Variants in RPTOR observed in about 807,000 individuals in gnomAD.
RPTOR encodes regulatory-associated protein of mTOR.
In RPTOR, 21 loss-of-function variants were observed where a neutral mutation model predicts 169.9. The observed-to-expected ratio is 0.12, with a 90% CI of 0.09 to 0.18. The LOEUF is 0.18. RPTOR is among the 10% of genes least tolerant of loss of function. The probability of loss-of-function intolerance (pLI) is 1.00; values close to 1 mark genes in which losing one functional copy is unlikely to be tolerated. For missense variants in RPTOR, 1,133 were observed against 1,855.9 expected, an observed-to-expected ratio of 0.61 and a Z score of 7.16; for synonymous variants, 732 against 753.2, an observed-to-expected ratio of 0.97 and a Z score of 0.46.
chr17:80,947,279 C>A lies in RPTOR; in HGVS notation c.3193C>A (p.Pro1065Thr). Residue 1065 changes from proline (P) to threonine (T), a missense_variant, in exon 27 of 34, where the codon CCT becomes ACT. By Grantham distance (38) the Pro-to-Thr change is conservative. Coordinates refer to ENST00000306801, the MANE Select transcript of RPTOR (RefSeq NM_020761.3). The surrounding 1 kb of genome is among the most constrained non-coding windows in gnomAD (Gnocchi z 4.4). ...GCTGGATTATTTCCACAATGGGAAC[C>A]CTCGGTACACGAGGGTCACTGCCAT... ...EKLDYFHNGN[P>T]RYTRVTAMEY... 6.2e-7 allele frequency: 1 copy of A among 1,605,714 alleles called. No individual in the cohort carries two copies. Among genetic ancestry groups the A allele is most frequent in the Non-Finnish European group, 8.5e-7 (1 of 1,176,670 alleles).
chr17:80,687,884 C>T (rs1376102203), intron 3 of RPTOR, among the ~76,000 whole-genome samples: 3 of 152,188 alleles, frequency 2.0e-5, no homozygotes, highest in Non-Finnish European at 4.4e-5. Flanking sequence ...AATTCACCCT[C>T]CATTGTCCAT....
At chr17:80,880,355 A>C in intron 13 of RPTOR, 60 bp from the exon 14 acceptor site, 6 of 1,392,356 alleles carry the variant, frequency 4.3e-6, no homozygotes, top group Non-Finnish European at 6.1e-6. Context: ...CACCATGAGA[A>C]GCTTGTGGCA....
At chr17:80,842,188 C>CT (rs2143699279) in intron 10 of RPTOR, among the ~76,000 whole-genome samples, 1 of 152,366 alleles carries the variant, frequency 6.6e-6, no homozygotes, top group South Asian at 2.1e-4. Flanking sequence ...GAGCCAGACT[C>CT]TGTCACATCA....
chr17:80,556,818 G>A (rs1234314427), intron 1 of RPTOR, among the ~76,000 whole-genome samples: 2 of 151,868 alleles, frequency 1.3e-5, no homozygotes, highest in Admixed American at 1.3e-4. Context: ...TGCTGGCCAG[G>A]CACGGTGGCT....
chr17:80,741,524 G>A (rs1037622186), intron 5 of RPTOR, among the ~76,000 whole-genome samples: 9 of 152,212 alleles, frequency 5.9e-5, no homozygotes, highest in African/African-American at 1.9e-4. Context: ...GCTGTCTCCC[G>A]AGCCAGGAGG....
At chr17:80,858,765 C>T (rs1186479100) in intron 13 of RPTOR, among the ~76,000 whole-genome samples, 1 of 152,100 alleles carries the variant, frequency 6.6e-6, no homozygotes, top group African/African-American at 2.4e-5. Flanking sequence ...GCTGGGAAGA[C>T]ATTTAGAGGA....
chr17:80,889,437 A>G (rs2068288589), intron 17 of RPTOR, among the ~76,000 whole-genome samples: 1 of 152,158 alleles, frequency 6.6e-6, no homozygotes, highest in South Asian at 2.1e-4. Context: ...TTGACAAGCG[A>G]CCGGTCAGAG....
intron 10 of RPTOR, among the ~76,000 whole-genome samples, chr17:80,840,528 ACTCACCGCACGGCAGCTCACT>A (rs1207703730): frequency 1.1e-4 from 6 of 55,686 alleles, no homozygotes; most frequent in Non-Finnish European, 1.7e-4. Flanking sequence ...GGCAGCTCAC[ACTCACCGCACGGCAGCTCACT>A]CTCACCGCAC....
chr17:80,738,069 A>T (rs970091340), intron 5 of RPTOR, among the ~76,000 whole-genome samples: 1 of 152,204 alleles, frequency 6.6e-6, no homozygotes, highest in East Asian at 1.9e-4. Context: ...TGACTTGCCA[A>T]CCAGAAAGGA....
In RPTOR at chr17:80,925,933, G is replaced by A. The variant is rs951339361; in HGVS notation, c.2919+453G>A. On this transcript the variant is annotated intron_variant, in intron 24 of 33. Coordinates refer to ENST00000306801, the MANE Select transcript of RPTOR (RefSeq NM_020761.3). ...CTAACAAGCGCCGTGTGCTGTGGAC[G>A]CAGTGGCTGTGTTCCTGCAGGCTGG... Among the ~76,000 whole-genome samples, 19 of 152,348 alleles carry A rather than the reference G, an allele frequency of 1.2e-4. No individual in the cohort carries two copies. The East Asian group carries it at 2.3e-3, about 19-fold the overall frequency.
At chr17:80,935,410 A>G (rs1330125738) in intron 24 of RPTOR, among the ~76,000 whole-genome samples, 1 of 152,218 alleles carries the variant, frequency 6.6e-6, no homozygotes, top group Admixed American at 6.5e-5. Context: ...ATTTTGAACT[A>G]GAAGAACAAA....
chr17:80,901,764 G>A (rs1368051330), intron 20 of RPTOR, among the ~76,000 whole-genome samples: 1 of 152,054 alleles, frequency 6.6e-6, no homozygotes, highest in Non-Finnish European at 1.5e-5. Context: ...TGCCCCAGAA[G>A]CCCTGCCCCA....
intron 4 of RPTOR, among the ~76,000 whole-genome samples, chr17:80,727,512 C>T (rs1001059175): frequency 6.7e-6 from 1 of 150,230 alleles, no homozygotes; most frequent in Non-Finnish European, 1.5e-5. Context: ...GCTCTGAGAA[C>T]GTGGACGCTG....
At chr17:80,951,904 C>G (rs1348992115) in intron 28 of RPTOR, among the ~76,000 whole-genome samples, 1 of 152,202 alleles carries the variant, frequency 6.6e-6, no homozygotes, top group East Asian at 1.9e-4. Flanking sequence ...TAAGGTCAAA[C>G]CAAGTCACCA....
At chr17:80,800,446 C>T (rs371292592) in intron 7 of RPTOR, among the ~76,000 whole-genome samples, 78 of 152,330 alleles carry the variant, frequency 5.1e-4, no homozygotes, top group South Asian at 3.3e-3. Flanking sequence ...CATCTCAGCA[C>T]AAGACTGGAG....
At chr17:80,641,255 C>T (rs1370205783) in intron 2 of RPTOR, among the ~76,000 whole-genome samples, 2 of 152,168 alleles carry the variant, frequency 1.3e-5, no homozygotes, top group African/African-American at 4.8e-5. Flanking sequence ...AACAAATTTA[C>T]CACAATTCTT....
intron 6 of RPTOR, among the ~76,000 whole-genome samples, chr17:80,780,777 C>G (rs983040052): frequency 1.4e-4 from 21 of 152,314 alleles, no homozygotes; most frequent in Middle Eastern, 6.8e-3. Context: ...CACCCTCCCC[C>G]CGGGGGGCCT....
intron 4 of RPTOR, among the ~76,000 whole-genome samples, chr17:80,709,623 T>C (rs1478249031): frequency 6.6e-6 from 1 of 152,210 alleles, no homozygotes; most frequent in Non-Finnish European, 1.5e-5. Flanking sequence ...CAGATGGGCA[T>C]TGGGCTGGTT....
intron 4 of RPTOR, among the ~76,000 whole-genome samples, chr17:80,720,675 G>A (rs1470642653): frequency 6.6e-6 from 1 of 152,202 alleles, no homozygotes; most frequent in African/African-American, 2.4e-5. Flanking sequence ...CGGGTGCCCT[G>A]CATTTAAAAC....
Sources: gnomAD v4.1 joint callset for allele counts (sites outside exome capture counted in the v4.1 genomes callset) on GRCh38, gnomAD v4.1.1 for gene constraint, Gnocchi (gnomAD v3.1) non-coding constraint, MANE v1.5 for transcripts, NCBI Gene and HGNC (gene_info 2026-07-23, HGNC 2026-07-21) for gene names.